TMEM143: variants seen among roughly 807,000 people sequenced by gnomAD.
The protein encoded by TMEM143 is transmembrane protein 143.
TMEM143 carries 45 observed loss-of-function variants against 40.3 expected under a neutral mutation model. The ratio of observed to expected loss-of-function variants is 1.12; its 90% CI spans 0.88 to 1.43. TMEM143 has a LOEUF of 1.43. Among genes scored for constraint, TMEM143 ranks in the 40% most tolerant of loss-of-function variants. The pLI, the probability that TMEM143 is intolerant of heterozygous loss-of-function variation, is 0.00. For missense variants in TMEM143, 620 were observed against 613.4 expected, an observed-to-expected ratio of 1.01 and a Z score of -0.11; for synonymous variants, 299 against 282.7, an observed-to-expected ratio of 1.06 and a Z score of -0.58.
At position 48,340,371 on chromosome 19, in the gene TMEM143, C is replaced by T. The variant is rs546082658; in HGVS notation, c.975+2159G>A. Among the ~76,000 whole-genome samples the T allele has an allele frequency of 4.0e-5, 6 of 149,464 alleles. No individual in the cohort carries two copies. In the South Asian group the frequency reaches 6.4e-4, roughly 16 times the overall value. ...TGAACTCCTGACCTCGTGATCCACC[C>T]GCCTCGGCCTCCCAAAGTGCTGGGA... On this transcript the variant is annotated intron_variant, in intron 6 of 7. Coordinates refer to ENST00000293261, the MANE Select transcript of TMEM143 (RefSeq NM_018273.4).
chr19:48,333,320 T>G lies in TMEM143; in HGVS notation c.1279A>C (p.Ser427Arg). ...ALAHLQALTP[S>R]MGLYPPPGFP... is the part of the protein sequence containing the mutation. ...CCCGGGGGTGGGTACAATCCCATGC[T>G]GGGGGTCAGGGCCTGCAGATGCGCC... is the stretch of plus-strand genomic sequence containing the variant. The change falls in exon 8 of 8, where the codon AGC becomes CGC. Residue 427 changes from serine to arginine, a missense_variant. By Grantham distance (110) the Ser-to-Arg change is moderately radical (BLOSUM62 -1). Transcript: ENST00000293261. The surrounding 1 kb of genome is among the most constrained non-coding windows in gnomAD (Gnocchi z 4.1). The G allele has an allele frequency of 6.2e-7, 1 of 1,607,814 alleles. No homozygotes were observed. Among genetic ancestry groups the G allele is most frequent in the Non-Finnish European group, 8.5e-7 (1 of 1,175,740 alleles).
At chr19:48,336,776 A>G (rs547152677) in intron 6 of TMEM143, among the ~76,000 whole-genome samples, 1 of 152,046 alleles carries the variant, frequency 6.6e-6, no homozygotes, top group East Asian at 1.9e-4. Flanking sequence ...CGGGTGGATC[A>G]CGAGGTCAGA....
intron 5 of TMEM143, 91 bp from the exon 6 acceptor site, chr19:48,342,900 A>G: frequency 7.1e-7 from 1 of 1,414,242 alleles, no homozygotes; most frequent in Non-Finnish European, 9.5e-7. Flanking sequence ...CTGGCTCTAC[A>G]GTCGCACAAC....
At chr19:48,362,207 T>G (rs1970058039) in intron 2 of TMEM143, among the ~76,000 whole-genome samples, 1 of 152,124 alleles carries the variant, frequency 6.6e-6, no homozygotes, top group Admixed American at 6.6e-5. Flanking sequence ...AGCACAGAAT[T>G]GAGTACATAC....
Position 48,334,188 on chromosome 19 carries a change from G to A in TMEM143, c.985C>T (p.Gln329Ter), listed in dbSNP as rs1367357933. Residue 329 changes from glutamine to a stop codon, truncating the protein, a stop_gained, in exon 7 of 8, where the codon CAG becomes TAG. Transcript: ENST00000293261. LOFTEE classifies it high-confidence loss of function. ...TCCAACGCCTGCGCGCTGCGCCGCT[G>A]CCCGAACATCTGCAGGCGGGACAGC... ...MGLRASKMFGQRRSAQALELA... is the reference protein window; with the variant it reads ...MGLRASKMFG 1 of 1,602,172 alleles carries A rather than the reference G, an allele frequency of 6.2e-7. No homozygotes were observed. The highest frequency in any genetic ancestry group is 8.5e-7 in the Non-Finnish European group (1 of 1,175,256).
intron 6 of TMEM143, among the ~76,000 whole-genome samples, chr19:48,339,059 G>A (rs2147359001): frequency 6.6e-6 from 1 of 152,122 alleles, no homozygotes; most frequent in Admixed American, 6.5e-5. Flanking sequence ...CAGTGAGGCT[G>A]GGAAGCAGGG....
intron 1 of TMEM143, 84 bp downstream of exon 1, chr19:48,363,814 G>A: frequency 1.3e-6 from 2 of 1,597,446 alleles, no homozygotes; most frequent in South Asian, 1.1e-5. Context: ...TAGATCTTAG[G>A]AGAGCAGGAA....
intron 3 of TMEM143, 136 bp downstream of exon 3, chr19:48,359,936 C>G (rs567449105): frequency 1.3e-6 from 1 of 792,956 alleles, no homozygotes; most frequent in South Asian, 1.9e-5. Context: ...GAGGGCGTCA[C>G]TTCACCTGTC....
intron 6 of TMEM143, among the ~76,000 whole-genome samples, chr19:48,334,758 T>A (rs1257946860): frequency 6.6e-6 from 1 of 151,988 alleles, no homozygotes; most frequent in Non-Finnish European, 1.5e-5. Flanking sequence ...AAGCCCGATA[T>A]TTTTTGTAGA....
intron 3 of TMEM143, among the ~76,000 whole-genome samples, chr19:48,355,591 T>A (rs985177066): frequency 2.0e-5 from 3 of 152,206 alleles, no homozygotes; most frequent in Non-Finnish European, 4.4e-5. Flanking sequence ...AACAAGGGGC[T>A]GTGATGGCCA....
chr19:48,363,146 G>T, intron 2 of TMEM143, 145 bp downstream of exon 2: 1 of 1,170,638 alleles, frequency 8.5e-7, no homozygotes, highest in Non-Finnish European at 1.2e-6. Flanking sequence ...CTCATCTCCC[G>T]CCCACTAGGG....
rs1969547168 is a variant in TMEM143 at position 48,343,262 on chromosome 19, C to T, written c.695+59G>A. ...CAAACCAGACACTGACCTGTCAGTCCCCTCTTGACTCTAACCTTGCTCCCT... is the reference window on the plus strand; with the variant it reads ...CAAACCAGACACTGACCTGTCAGTCTCCTCTTGACTCTAACCTTGCTCCCT... On this transcript the variant is annotated intron_variant, in intron 5 of 7. Transcript: ENST00000293261. 3.8e-6 allele frequency: 6 copies of T among 1,560,422 alleles called. 1 individual carries two copies. The highest frequency in any genetic ancestry group is 5.2e-6 in the Non-Finnish European group (6 of 1,154,144).
rs371235687 is a variant in TMEM143, at chr19:48,352,784, T to A, written c.369+7288A>T. 2.2e-3 allele frequency among the ~76,000 whole-genome samples: 338 copies of A among 151,516 alleles called. 1 individual carries two copies. Among genetic ancestry groups the A allele is most frequent in the Non-Finnish European group, 2.6e-3 (177 of 67,864 alleles). The stretch of plus-strand genomic sequence containing the variant: ...AGCAAAAATCTGTCTCAGAAAAAAA[T>A]ATATATATATTTTGTGGAGACAGAG... On this transcript the variant is annotated intron_variant, in intron 3 of 7. Coordinates refer to ENST00000293261, the MANE Select transcript of TMEM143 (RefSeq NM_018273.4).
intron 3 of TMEM143, among the ~76,000 whole-genome samples, chr19:48,352,246 C>CAAACAAAAAAAAA (rs1969790497): frequency 2.4e-5 from 1 of 41,572 alleles, no homozygotes; most frequent in Non-Finnish European, 4.1e-5. Flanking sequence ...GACTCTGTCT[C>CAAACAAAAAAAAA]AAAAAAAAAA....
chr19:48,356,596 A>ATTTTTTTT lies in TMEM143; in HGVS notation c.369+3468_369+3475dup, dbSNP rs36077135. Among the ~76,000 whole-genome samples the ATTTTTTTT allele has an allele frequency of 2.9e-5, 4 of 135,874 alleles. 2 individuals are homozygous for ATTTTTTTT. 89.1% of individuals were successfully genotyped at this position (135,874 alleles called of 152,430 possible). A position where few individuals can be genotyped will look rare whatever the true frequency, so the allele number is the denominator to read the frequency against. On this transcript the variant is annotated intron_variant, in intron 3 of 7. Transcript: ENST00000293261. ...AGACATGCGCTACCAGGCCCAGGTAATTTTTTTTTTTTTTTTTTGAGATGG... is the reference window on the plus strand; with the variant it reads ...AGACATGCGCTACCAGGCCCAGGTAATTTTTTTTTTTTTTTTTTTTTTTTTTGAGATGG...
At chr19:48,336,892 G>C (rs1356248834) in intron 6 of TMEM143, among the ~76,000 whole-genome samples, 1 of 151,654 alleles carries the variant, frequency 6.6e-6, no homozygotes, top group Admixed American at 6.6e-5. Flanking sequence ...GTGGTGGTGG[G>C]TGCCTGTAGT....
chr19:48,353,183 C>CTTT (rs57661893), intron 3 of TMEM143, among the ~76,000 whole-genome samples: 2 of 145,140 alleles, frequency 1.4e-5, no homozygotes, highest in African/African-American at 2.5e-5. Flanking sequence ...CAACGACAAA[C>CTTT]TTTTTTTTTT....
chr19:48,349,206 G>A (rs1042276959), intron 3 of TMEM143, among the ~76,000 whole-genome samples: 4 of 151,706 alleles, frequency 2.6e-5, no homozygotes, highest in East Asian at 2.0e-4. Context: ...CAACAACAAC[G>A]ACAAACCAGA....
intron 6 of TMEM143, among the ~76,000 whole-genome samples, chr19:48,337,333 G>A (rs1969394227): frequency 6.6e-6 from 1 of 152,116 alleles, no homozygotes; most frequent in Non-Finnish European, 1.5e-5. Context: ...CGGATCACGA[G>A]GTCAGGAGTT....
Sources: allele counts gnomAD v4.1 joint callset (sites outside exome capture counted in the v4.1 genomes callset), GRCh38; gene constraint gnomAD v4.1.1; non-coding constraint Gnocchi (gnomAD v3.1); transcripts MANE v1.5; gene names NCBI Gene and HGNC (gene_info 2026-07-23, HGNC 2026-07-21).